The following SOX5 variants were observed in gnomAD, a reference collection of about 807,000 sequenced individuals.
SOX5 encodes transcription factor SOX-5.
In SOX5, 9 loss-of-function variants were observed where a neutral mutation model predicts 92.0. The observed-to-expected ratio is 0.10, with a 90% CI of 0.06 to 0.17. The LOEUF (loss-of-function observed/expected upper bound fraction) is 0.17, where lower values mean the gene tolerates loss of function less well. SOX5 is among the 10% of genes least tolerant of loss of function. The pLI, the probability that SOX5 is intolerant of heterozygous loss-of-function variation, is 1.00. For synonymous variants in SOX5, 344 were observed against 336.3 expected, an observed-to-expected ratio of 1.02 and a Z score of -0.25; for missense variants, 642 against 944.5, an observed-to-expected ratio of 0.68 and a Z score of 4.20.
intron 3 of SOX5, among the ~76,000 whole-genome samples, chr12:24,236,521 C>T (rs991197985): frequency 1.3e-5 from 2 of 152,176 alleles, no homozygotes; most frequent in Non-Finnish European, 2.9e-5. Context: ...CAGCTAATTT[C>T]TGATTCACTG....
At chr12:23,680,325 C>CAAAAAAAAAAAAAAAAA (rs57754255) in intron 6 of SOX5, among the ~76,000 whole-genome samples, 41 of 48,338 alleles carry the variant, frequency 8.5e-4, no homozygotes, top group East Asian at 2.5e-3. Flanking sequence ...GACCTTGTCT[C>CAAAAAAAAAAAAAAAAA]AAAAAAAAAA....
chr12:24,459,553 G>A (rs969509109), intron 1 of SOX5, among the ~76,000 whole-genome samples: 4 of 151,914 alleles, frequency 2.6e-5, no homozygotes, highest in South Asian at 2.1e-4. Flanking sequence ...TTAATTTATC[G>A]ATTTTTTCAA....
chr12:24,248,080 G>A (rs1453442121), intron 3 of SOX5, among the ~76,000 whole-genome samples: 5 of 152,210 alleles, frequency 3.3e-5, no homozygotes, highest in African/African-American at 7.2e-5. Flanking sequence ...TCAAGATGAA[G>A]TTTTACTGAA....
intron 1 of SOX5, among the ~76,000 whole-genome samples, chr12:24,423,050 G>C (rs1425295889): frequency 6.6e-6 from 1 of 152,104 alleles, no homozygotes. Context: ...AATATTTTCA[G>C]GATTGTGAAT....
intron 2 of SOX5, among the ~76,000 whole-genome samples, chr12:23,869,537 C>A (rs2096851130): frequency 6.6e-6 from 1 of 152,126 alleles, no homozygotes; most frequent in Non-Finnish European, 1.5e-5. Flanking sequence ...TGATCTCATG[C>A]ACCTCTGTTT....
chr12:23,584,554 C>A, intron 9 of SOX5: 3 of 1,608,488 alleles, frequency 1.9e-6, no homozygotes, highest in Non-Finnish European at 2.6e-6. Flanking sequence ...TACATGCATG[C>A]ACAGCTCCTA....
chr12:24,006,784 T>C (rs1379927755), intron 4 of SOX5, among the ~76,000 whole-genome samples: 2 of 152,036 alleles, frequency 1.3e-5, no homozygotes, highest in African/African-American at 2.4e-5. Flanking sequence ...ACAGAAAAGA[T>C]CTATTGATTC....
chr12:24,435,433 C>G (rs74068337), intron 1 of SOX5, among the ~76,000 whole-genome samples: 48 of 152,316 alleles, frequency 3.2e-4, no homozygotes, highest in African/African-American at 1.2e-3. Context: ...AGATTCCTCA[C>G]TAATACAGTT....
chr12:24,346,572 C>T (rs1015887665), intron 2 of SOX5, among the ~76,000 whole-genome samples: 3 of 151,760 alleles, frequency 2.0e-5, no homozygotes, highest in Non-Finnish European at 2.9e-5. Flanking sequence ...CTGCCTCAGC[C>T]TCCCCAAGTA....
At chr12:23,708,920 G>C (rs1315590019) in intron 6 of SOX5, among the ~76,000 whole-genome samples, 1 of 151,886 alleles carries the variant, frequency 6.6e-6, no homozygotes, top group African/African-American at 2.4e-5. Flanking sequence ...GTTAATACAA[G>C]GTACCTCTAT....
At chr12:23,541,765 T>C (rs1204076358) in intron 13 of SOX5, among the ~76,000 whole-genome samples, 3 of 152,334 alleles carry the variant, frequency 2.0e-5, no homozygotes, top group South Asian at 4.1e-4. Context: ...CCATTACAAA[T>C]GCACCTTGTG....
chr12:23,678,938 T>C (rs2086133687), intron 6 of SOX5, among the ~76,000 whole-genome samples: 1 of 152,252 alleles, frequency 6.6e-6, no homozygotes, highest in South Asian at 2.1e-4. Context: ...AAATTATAAC[T>C]TGTATAAAAA....
intron 1 of SOX5, among the ~76,000 whole-genome samples, chr12:24,382,651 G>A (rs539199868): frequency 2.4e-4 from 36 of 152,302 alleles, no homozygotes; most frequent in Non-Finnish European, 4.4e-4. Flanking sequence ...CAGTAGAGGA[G>A]AAGTCCAGTT....
intron 2 of SOX5, among the ~76,000 whole-genome samples, chr12:24,302,875 A>G (rs1365966890): frequency 2.0e-5 from 3 of 152,162 alleles, no homozygotes; most frequent in Non-Finnish European, 4.4e-5. Flanking sequence ...CAGTGCTCAG[A>G]GTGGGGAAAA....
At chr12:23,834,771 T>C (rs564721642) in intron 3 of SOX5, among the ~76,000 whole-genome samples, 34 of 151,876 alleles carry the variant, frequency 2.2e-4, no homozygotes, top group Non-Finnish European at 4.0e-4. Flanking sequence ...GCAAGAAGAA[T>C]AGACTTGTAG....
At chr12:24,180,995 G>A (rs905122121) in intron 4 of SOX5, among the ~76,000 whole-genome samples, 1 of 152,260 alleles carries the variant, frequency 6.6e-6, no homozygotes, top group South Asian at 2.1e-4. Flanking sequence ...TGATTCTGGT[G>A]TTTAAAGAGA....
intron 4 of SOX5, among the ~76,000 whole-genome samples, chr12:23,747,050 T>A (rs1320233077): frequency 2.0e-5 from 3 of 152,106 alleles, no homozygotes; most frequent in Non-Finnish European, 4.4e-5. Flanking sequence ...TTAAATCTCT[T>A]TCTTTTGTAA....
At chr12:23,990,866 A>G (rs2136256482) in intron 4 of SOX5, among the ~76,000 whole-genome samples, 1 of 152,272 alleles carries the variant, frequency 6.6e-6, no homozygotes, top group Admixed American at 6.5e-5. Flanking sequence ...TTCACTAAGA[A>G]TCAGTGAAAG....
chr12:24,073,669 C>T (rs911124981), intron 4 of SOX5, among the ~76,000 whole-genome samples: 1 of 152,068 alleles, frequency 6.6e-6, no homozygotes, highest in East Asian at 1.9e-4. Flanking sequence ...CCTGAAGGAC[C>T]ATTTATCATT....
Sources: gnomAD v4.1 joint callset for allele counts (sites outside exome capture counted in the v4.1 genomes callset) on GRCh38, gnomAD v4.1.1 for gene constraint, MANE v1.5 for transcripts, NCBI Gene and HGNC (gene_info 2026-07-23, HGNC 2026-07-21) for gene names.